The following FAM81A variants were observed in gnomAD, a reference collection of about 807,000 sequenced individuals.
FAM81A encodes the protein protein FAM81A.
A neutral mutation model predicts 46.7 loss-of-function variants in FAM81A; 19 were observed. The observed-to-expected ratio is 0.41, with a 90% CI of 0.28 to 0.60. The LOEUF is 0.60. FAM81A is among the 20% of genes least tolerant of loss of function. FAM81A has a pLI of 0.34. For missense variants in FAM81A, 377 were observed against 453.5 expected, an observed-to-expected ratio of 0.83 and a Z score of 1.53; for synonymous variants, 183 against 152.9, an observed-to-expected ratio of 1.20 and a Z score of -1.45.
intron 3 of FAM81A, among the ~76,000 whole-genome samples, chr15:59,486,385 C>T (rs1287362930): frequency 3.3e-5 from 5 of 151,684 alleles, no homozygotes; most frequent in African/African-American, 9.7e-5. Flanking sequence ...TGCACACCTA[C>T]GAGATCTAGA....
intron 4 of FAM81A, among the ~76,000 whole-genome samples, chr15:59,494,612 G>A (rs1418432157): frequency 6.6e-6 from 1 of 152,132 alleles, no homozygotes; most frequent in Non-Finnish European, 1.5e-5. Flanking sequence ...TTTGTTATGA[G>A]TACTAAATAT....
At chr15:59,496,116 T>A (rs1342029921) in intron 4 of FAM81A, among the ~76,000 whole-genome samples, 1 of 152,236 alleles carries the variant, frequency 6.6e-6, no homozygotes, top group Non-Finnish European at 1.5e-5. Context: ...GATTTATGCC[T>A]ATATTTTCTT....
At position 59,508,896 on chromosome 15, in the gene FAM81A, A is replaced by C. The variant is rs746702589; in HGVS notation, c.577A>C (p.Ile193Leu). 6.2e-7 allele frequency: 1 copy of C among 1,613,414 alleles called. No individual in the cohort carries two copies. Among genetic ancestry groups the C allele is most frequent in the Admixed American group, 1.7e-5 (1 of 60,004 alleles). The part of the protein sequence containing the change: ...SQLLNRVDLS[I>L]SEQSTKLKMS... ...GCTTTTGAACAGAGTGGACTTGTCA[A>C]TATCAGAGCAGAGCACCAAACTGAA... The change falls in exon 6 of 9, where the codon ATA becomes CTA. Residue 193 changes from isoleucine (I) to leucine (L), a missense_variant. Coordinates refer to ENST00000288228, the MANE Select transcript of FAM81A (RefSeq NM_152450.3).
At chr15:59,415,996 G>T (rs1160802672) in intron 2 of FAM81A, among the ~76,000 whole-genome samples, 4 of 152,186 alleles carry the variant, frequency 2.6e-5, no homozygotes, top group African/African-American at 9.7e-5. Flanking sequence ...ATACTGTAGG[G>T]CTGCTCTTCT....
intron 1 of FAM81A, among the ~76,000 whole-genome samples, chr15:59,399,426 C>T (rs1268484098): frequency 6.6e-6 from 1 of 152,048 alleles, no homozygotes; most frequent in South Asian, 2.1e-4. Context: ...GAAAAAAAGA[C>T]AAGAGAATGG....
chr15:59,411,011 A>G (rs1292737943), intron 2 of FAM81A, among the ~76,000 whole-genome samples: 1 of 152,150 alleles, frequency 6.6e-6, no homozygotes, highest in Admixed American at 6.5e-5. Context: ...CGGCCTCCCA[A>G]AGTGCTGGGA....
At chr15:59,431,532 CTTTT>C (rs528145205) in intron 2 of FAM81A, among the ~76,000 whole-genome samples, 5 of 135,480 alleles carry the variant, frequency 3.7e-5, no homozygotes, top group African/African-American at 8.2e-5. Context: ...TGCAACCAGC[CTTTT>C]TTTTTTTTTT....
chr15:59,434,376 G>A (rs187919099), upstream of FAM81A, among the ~76,000 whole-genome samples: 6 of 152,172 alleles, frequency 3.9e-5, no homozygotes, highest in East Asian at 1.9e-4. Flanking sequence ...TTACACTGCC[G>A]AACTTCTCTA....
chr15:59,453,943 T>A (rs886167457), intron 1 of FAM81A, among the ~76,000 whole-genome samples: 14 of 152,178 alleles, frequency 9.2e-5, no homozygotes, highest in Admixed American at 9.2e-4. Flanking sequence ...TGCACCACTG[T>A]GACTCCCCAT....
chr15:59,419,784 G>A (rs1242638741), intron 2 of FAM81A, among the ~76,000 whole-genome samples: 4 of 152,076 alleles, frequency 2.6e-5, no homozygotes, highest in Admixed American at 2.6e-4. Flanking sequence ...TGAGGCAGGA[G>A]AATTGCTTGA....
At chr15:59,487,428 A>C (rs2081931166) in intron 3 of FAM81A, among the ~76,000 whole-genome samples, 1 of 151,542 alleles carries the variant, frequency 6.6e-6, no homozygotes, top group Non-Finnish European at 1.5e-5. Flanking sequence ...CAGAGCAGAC[A>C]TAAGTGAAAT....
At chr15:59,418,378 G>A (rs79268657) in intron 2 of FAM81A, among the ~76,000 whole-genome samples, 38 of 152,308 alleles carry the variant, frequency 2.5e-4, no homozygotes, top group Non-Finnish European at 1.3e-4. Flanking sequence ...AAACTCATCA[G>A]CTATAACCCT....
At position 59,402,617 on chromosome 15, in the gene FAM81A, T is replaced by C. The variant is rs149639472; in HGVS notation, c.-78+259T>C. Among the ~76,000 whole-genome samples the C allele has an allele frequency of 8.1e-3, 1,230 of 151,806 alleles. 24 individuals carry two copies. The highest frequency in any genetic ancestry group is 0.029 in the African/African-American group (1,185 of 41,368). ...GGGCAGTGGCTTGATTTTGGCTCAC[T>C]GCAACCTCTGCTTCCCGGGTTCAAG... On this transcript the variant is annotated intron_variant, in intron 2 of 4. Transcript: ENST00000558348.
intron 8 of FAM81A, 47 bp downstream of exon 8, chr15:59,516,887 C>T (rs1196410910): frequency 6.7e-6 from 10 of 1,493,554 alleles, no homozygotes; most frequent in African/African-American, 5.7e-5. Flanking sequence ...TCTGTTTGTT[C>T]TAAAACCTAT....
intron 2 of FAM81A, among the ~76,000 whole-genome samples, chr15:59,414,702 C>T (rs181024438): frequency 3.3e-5 from 5 of 152,266 alleles, no homozygotes; most frequent in Admixed American, 1.3e-4. Context: ...GAAAGCCTCC[C>T]CTTGCATTTG....
intron 2 of FAM81A, among the ~76,000 whole-genome samples, chr15:59,433,038 A>C (rs1325761557): frequency 2.1e-5 from 3 of 141,448 alleles, no homozygotes; most frequent in Non-Finnish European, 4.5e-5. Flanking sequence ...GCTACTCGGG[A>C]GGCTGAGGCA....
chr15:59,406,243 A>G (rs2081094439), intron 2 of FAM81A, among the ~76,000 whole-genome samples: 1 of 152,150 alleles, frequency 6.6e-6, no homozygotes, highest in Admixed American at 6.5e-5. Context: ...TCACATTCTA[A>G]TTTCTAAGGT....
At chr15:59,451,761 A>G (rs1278064259) in intron 1 of FAM81A, among the ~76,000 whole-genome samples, 10 of 152,102 alleles carry the variant, frequency 6.6e-5, no homozygotes, top group African/African-American at 2.4e-4. Context: ...TCACCAATAC[A>G]TTTTGTCTCT....
chr15:59,435,386 G>A (rs926783620), upstream of FAM81A, among the ~76,000 whole-genome samples: 1 of 152,118 alleles, frequency 6.6e-6, no homozygotes, highest in Non-Finnish European at 1.5e-5. Flanking sequence ...TGGGGATGCC[G>A]AGGCCGGCGG....
Sources: allele counts gnomAD v4.1 joint callset (sites outside exome capture counted in the v4.1 genomes callset), GRCh38; gene constraint gnomAD v4.1.1; transcripts MANE v1.5; gene names NCBI Gene and HGNC (gene_info 2026-07-23, HGNC 2026-07-21).